LYN: variants seen among roughly 807,000 people sequenced by gnomAD.
LYN encodes LYN proto-oncogene, Src family tyrosine kinase.
LYN carries 12 observed loss-of-function variants against 65.0 expected under a neutral mutation model. The ratio of observed to expected loss-of-function variants is 0.18; its 90% confidence interval spans 0.12 to 0.30. The LOEUF (loss-of-function observed/expected upper bound fraction) is 0.30, where lower values mean the gene tolerates loss of function less well. Ranked by LOEUF, LYN falls within the 10% of genes least tolerant of loss-of-function variation. The probability of loss-of-function intolerance (pLI) is 1.00; values close to 1 mark genes in which losing one functional copy is unlikely to be tolerated. For synonymous variants in LYN, 222 were observed against 221.2 expected, an observed-to-expected ratio of 1.00 and a Z score of -0.03; for missense variants, 380 against 623.2, an observed-to-expected ratio of 0.61 and a Z score of 4.16.
At chr8:55,894,536 ATT>A (rs34130107) in intron 1 of LYN, among the ~76,000 whole-genome samples, 253 of 142,862 alleles carry the variant, frequency 1.8e-3, no homozygotes, top group Admixed American at 1.7e-3. Flanking sequence ...CACCTGGCTA[ATT>A]TTTTTTTTTT....
chr8:55,949,601 A>C (rs1806879632), intron 4 of LYN, among the ~76,000 whole-genome samples: 1 of 152,246 alleles, frequency 6.6e-6, no homozygotes, highest in African/African-American at 2.4e-5. Flanking sequence ...GTCATGGGAT[A>C]CAGAGCGATA....
rs766097079 is a variant in LYN, at chr8:56,010,504, A to T, written c.*394A>T. On this transcript the variant is annotated 3_prime_UTR_variant, in exon 13 of 13. Transcript: ENST00000519728. ...CCCCAATAATTGCAGAACTAAACTC[A>T]TTTATAAAGCTAAAATAACCGGATA... 4 of 269,218 alleles carry T rather than the reference A, an allele frequency of 1.5e-5. No individual in the cohort carries two copies. Among genetic ancestry groups the T allele is most frequent in the Non-Finnish European group, 2.2e-5 (3 of 137,888 alleles). The allele number at this position is 269,218 out of a possible 1,614,324, so 16.7% of individuals were successfully genotyped here.
intron 1 of LYN, among the ~76,000 whole-genome samples, chr8:55,890,968 A>G (rs922454496): frequency 2.0e-5 from 3 of 151,954 alleles, no homozygotes; most frequent in East Asian, 3.9e-4. Flanking sequence ...GGCTCAAGCA[A>G]TCTACCTGCT....
intron 10 of LYN, among the ~76,000 whole-genome samples, chr8:55,977,774 G>A (rs1473504177): frequency 1.4e-5 from 2 of 144,246 alleles, no homozygotes; most frequent in African/African-American, 2.5e-5. Context: ...AAAAAAATTA[G>A]CCAGGCCTGA....
rs34839284 is a variant in LYN at position 55,886,241 on chromosome 8, C to CTTT, written c.-6+6153_-6+6155dup. Among the ~76,000 whole-genome samples the CTTT allele has an allele frequency of 2.9e-4, 39 of 133,434 alleles. 3 individuals carry two copies. Among genetic ancestry groups the CTTT allele is most frequent in the East Asian group, 1.3e-3 (6 of 4,536 alleles). The allele number at this position is 133,434 out of a possible 152,430, so 87.5% of individuals were successfully genotyped here. On this transcript the variant is annotated intron_variant, in intron 1 of 12. Coordinates refer to ENST00000519728, the MANE Select transcript of LYN (RefSeq NM_002350.4). ...GGATAGAACAGTGGCTGTCAAACAT[C>CTTT]TTTTTTTTTTTTTTTTTGAGATGGA...
At chr8:55,969,896 A>T in intron 10 of LYN, 103 bp downstream of exon 10, 1 of 1,005,688 alleles carries the variant, frequency 9.9e-7, no homozygotes, top group Admixed American at 1.8e-5. Context: ...ATTTCTGTTG[A>T]ATGTTTCCCA....
intron 10 of LYN, among the ~76,000 whole-genome samples, chr8:55,992,771 C>T (rs553748110): frequency 6.4e-4 from 97 of 152,202 alleles, no homozygotes; most frequent in South Asian, 3.5e-3. Flanking sequence ...CAGTGCCTGG[C>T]GAGGTACTTC....
At chr8:55,991,265 G>A (rs977339888) in intron 10 of LYN, among the ~76,000 whole-genome samples, 75 of 152,268 alleles carry the variant, frequency 4.9e-4, no homozygotes, top group African/African-American at 1.8e-3. Context: ...CAGCAGTGGG[G>A]GAGAAAGTCC....
At chr8:55,964,585 G>A (rs1807392522) in intron 8 of LYN, among the ~76,000 whole-genome samples, 1 of 151,920 alleles carries the variant, frequency 6.6e-6, no homozygotes, top group Non-Finnish European at 1.5e-5. Context: ...GTACATACTT[G>A]GCTGGGCACA....
intron 1 of LYN, among the ~76,000 whole-genome samples, chr8:55,889,851 G>C (rs116014989): frequency 0.012 from 1,869 of 152,224 alleles, 34 homozygotes; most frequent in African/African-American, 0.042. Flanking sequence ...CAAGGTGCTG[G>C]CCTTGCTAGC....
chr8:55,967,311 T>G (rs982608001), intron 9 of LYN, among the ~76,000 whole-genome samples: 1 of 102,030 alleles, frequency 9.8e-6, no homozygotes, highest in Admixed American at 9.4e-5. Flanking sequence ...CTTTCATTTT[T>G]TTTTTTTTTT....
chr8:55,958,804 T>C (rs1420681923), intron 8 of LYN, among the ~76,000 whole-genome samples: 4 of 152,272 alleles, frequency 2.6e-5, no homozygotes, highest in Admixed American at 6.5e-5. Flanking sequence ...CTTTGCTTTT[T>C]AAGGCTTAAT....
At chr8:55,916,211 T>C (rs1037833623) in intron 1 of LYN, among the ~76,000 whole-genome samples, 2 of 152,202 alleles carry the variant, frequency 1.3e-5, no homozygotes, top group Non-Finnish European at 2.9e-5. Flanking sequence ...TGGTATTTGA[T>C]TGGTTTTAAA....
chr8:55,956,043 A>G (rs956172952), intron 8 of LYN, among the ~76,000 whole-genome samples: 21 of 152,290 alleles, frequency 1.4e-4, no homozygotes, highest in Admixed American at 1.3e-3. Flanking sequence ...CTAGGAGTTC[A>G]GTTGCTGGGG....
chr8:55,946,405 A>T, intron 2 of LYN, 43 bp from the exon 3 acceptor site: 1 of 1,349,184 alleles, frequency 7.4e-7, no homozygotes, highest in Non-Finnish European at 1.1e-6. Flanking sequence ...TGAGTAAGAA[A>T]AGCTAAACAG....
intron 8 of LYN, among the ~76,000 whole-genome samples, chr8:55,956,918 C>G (rs1167640508): frequency 2.0e-5 from 3 of 152,184 alleles, no homozygotes; most frequent in Non-Finnish European, 2.9e-5. Context: ...TGTACAGGCT[C>G]TACGGGCCCT....
At chr8:56,006,459 T>G (rs575318997) in intron 12 of LYN, among the ~76,000 whole-genome samples, 26 of 152,262 alleles carry the variant, frequency 1.7e-4, no homozygotes, top group South Asian at 4.1e-4. Flanking sequence ...ACAGCTGTGC[T>G]CCTCCCTGTC....
intron 1 of LYN, among the ~76,000 whole-genome samples, chr8:55,923,831 G>A (rs756005159): frequency 5.3e-5 from 8 of 151,648 alleles, no homozygotes; most frequent in East Asian, 1.9e-4. Context: ...GAGCCACCGC[G>A]CCCGGCCAAG....
intron 1 of LYN, among the ~76,000 whole-genome samples, chr8:55,884,851 G>A (rs1409587222): frequency 6.6e-6 from 1 of 152,196 alleles, no homozygotes; most frequent in African/African-American, 2.4e-5. Context: ...AGCCTTTGTT[G>A]TTTATCCCCT....
Sources: gnomAD v4.1 joint callset for allele counts (sites outside exome capture counted in the v4.1 genomes callset) on GRCh38, gnomAD v4.1.1 for gene constraint, MANE v1.5 for transcripts, NCBI Gene and HGNC (gene_info 2026-07-23, HGNC 2026-07-21) for gene names.